Variants in IMPA2 observed in about 807,000 individuals in gnomAD.
IMPA2 encodes IMP 2.
A neutral mutation model predicts 35.1 loss-of-function variants in IMPA2; 32 were observed. The observed-to-expected ratio is 0.91, with a 90% CI of 0.69 to 1.23. IMPA2 has a LOEUF of 1.23. IMPA2 is among the 50% of genes most tolerant of loss of function. The pLI is 0.00. For missense variants in IMPA2, 334 were observed against 387.6 expected (o/e 0.86, Z 1.16); for synonymous variants, 135 against 160.6 (o/e 0.84, Z 1.20).
chr18:12,022,318 G>A (rs1907752135), intron 5 of IMPA2, among the ~76,000 whole-genome samples: 1 of 151,844 alleles, frequency 6.6e-6, no homozygotes, highest in Non-Finnish European at 1.5e-5. Context: ...GATCAGTTGA[G>A]GTCAGGAGTT....
intron 1 of IMPA2, among the ~76,000 whole-genome samples, chr18:11,997,090 GACAC>G (rs1295247971): frequency 6.6e-6 from 1 of 152,034 alleles, no homozygotes. Flanking sequence ...ACACAACAGA[GACAC>G]ACACACATCA....
At position 12,030,484 on chromosome 18, in the gene IMPA2, A is replaced by G. The variant is rs1311665190; in HGVS notation, c.*26A>G. On this transcript the variant is annotated 3_prime_UTR_variant, in exon 8 of 8. Transcript: ENST00000269159. ...CTGCGGCTGAGGCAAAGCTGCTCCC[A>G]AGGCCTCCCTGGGCTGCTGTGGGCT... is the stretch of plus-strand genomic sequence containing the variant. 2 of 1,594,596 alleles carry G rather than the reference A, an allele frequency of 1.3e-6. No homozygotes were observed. The highest frequency in any genetic ancestry group is 1.1e-5 in the South Asian group (1 of 90,708).
At chr18:12,016,535 T>G (rs939621981) in intron 5 of IMPA2, among the ~76,000 whole-genome samples, 2 of 152,026 alleles carry the variant, frequency 1.3e-5, no homozygotes, top group Non-Finnish European at 2.9e-5. Context: ...AAGTGATTCT[T>G]CTGCCTCCCA....
intron 5 of IMPA2, among the ~76,000 whole-genome samples, chr18:12,016,753 G>T (rs1313711982): frequency 1.3e-5 from 2 of 152,136 alleles, no homozygotes; most frequent in Admixed American, 1.3e-4. Flanking sequence ...TAGAACTCGA[G>T]CAAGTTCCTT....
chr18:12,015,357 T>C (rs993434086), intron 5 of IMPA2, among the ~76,000 whole-genome samples: 3 of 152,194 alleles, frequency 2.0e-5, no homozygotes, highest in African/African-American at 7.2e-5. Flanking sequence ...CTTTCTTCAT[T>C]GTCTCTATTT....
At chr18:11,987,550 A>T (rs1192968045) in intron 1 of IMPA2, among the ~76,000 whole-genome samples, 3 of 152,056 alleles carry the variant, frequency 2.0e-5, no homozygotes, top group Admixed American at 2.0e-4. Context: ...AGGCTGATCT[A>T]GAACTCCTGA....
At chr18:12,014,645 G>A (rs565773437) in intron 5 of IMPA2, among the ~76,000 whole-genome samples, 6 of 152,162 alleles carry the variant, frequency 3.9e-5, no homozygotes, top group Admixed American at 1.3e-4. Context: ...TCGCAGTCAC[G>A]ATTTGGTTGT....
intron 7 of IMPA2, 109 bp downstream of exon 7, chr18:12,029,102 G>GTTTATTT: frequency 2.5e-6 from 1 of 394,216 alleles, no homozygotes; most frequent in Non-Finnish European, 4.3e-6. Flanking sequence ...CTTCCCCAGA[G>GTTTATTT]TTTCTGTTTT....
At chr18:12,026,021 A>T (rs985768594) in intron 5 of IMPA2, among the ~76,000 whole-genome samples, 24 of 138,132 alleles carry the variant, frequency 1.7e-4, no homozygotes, top group Non-Finnish European at 6.1e-5. Context: ...ATATTATTAT[A>T]TTTCAAAAGA....
intron 1 of IMPA2, among the ~76,000 whole-genome samples, chr18:11,984,027 C>A (rs1906583257): frequency 6.6e-6 from 1 of 152,120 alleles, no homozygotes; most frequent in African/African-American, 2.4e-5. Flanking sequence ...CTCTGTTGTT[C>A]GCTGCTCTCA....
chr18:12,020,055 T>A (rs1181081842), intron 5 of IMPA2, among the ~76,000 whole-genome samples: 1 of 151,016 alleles, frequency 6.6e-6, no homozygotes, highest in Non-Finnish European at 1.5e-5. Context: ...TTTGTACTTT[T>A]AGTAAAGACA....
At chr18:12,011,802 T>G (rs1907440585) in intron 3 of IMPA2, among the ~76,000 whole-genome samples, 2 of 152,236 alleles carry the variant, frequency 1.3e-5, no homozygotes, top group Admixed American at 1.3e-4. Context: ...ACCACCTGCC[T>G]GGCGCCCCAC....
At chr18:11,982,254 C>CA (rs1375101493) in intron 1 of IMPA2, among the ~76,000 whole-genome samples, 4 of 152,194 alleles carry the variant, frequency 2.6e-5, no homozygotes, top group East Asian at 3.8e-4. Flanking sequence ...GCCACGGACT[C>CA]AGAGTTCAGG....
chr18:12,012,862 A>G (rs1412796916), intron 4 of IMPA2, among the ~76,000 whole-genome samples: 1 of 152,378 alleles, frequency 6.6e-6, no homozygotes, highest in East Asian at 1.9e-4. Context: ...GCATTTGTGC[A>G]GCTTCACCTT....
At chr18:12,017,512 T>TG (rs567523307) in intron 5 of IMPA2, 84 of 305,980 alleles carry the variant, frequency 2.7e-4, no homozygotes, top group African/African-American at 1.9e-3. Flanking sequence ...GTCTGCGTTC[T>TG]GGGGGGACTT....
chr18:12,010,099 T>G lies in IMPA2; in HGVS notation c.335+112T>G, dbSNP rs1907393250. 1 of 708,576 alleles carries G rather than the reference T, an allele frequency of 1.4e-6. No homozygotes were observed. The highest frequency in any genetic ancestry group is 2.5e-6 in the Non-Finnish European group (1 of 403,802). The allele number at this position is 708,576 out of a possible 1,614,324, so 43.9% of individuals were successfully genotyped here. ...AGGCAGGAATATATAAACAAACCTATAGTACACTCATAGTCTCATCAGAAA... is the reference window on the plus strand; with the variant it reads ...AGGCAGGAATATATAAACAAACCTAGAGTACACTCATAGTCTCATCAGAAA... On this transcript the variant is annotated intron_variant, in intron 3 of 7. Coordinates refer to ENST00000269159, the MANE Select transcript of IMPA2 (RefSeq NM_014214.3). This position sits in a 1 kb window ranked among gnomAD's most constrained non-coding sequence, Gnocchi z 4.8.
rs1158665365 is a variant in IMPA2 at position 12,029,108 on chromosome 18, GTTTTTTTT to G, written c.751+133_751+140del. Reference sequence around the variant, plus strand: ...ATTTCCCACCTTCCCCAGAGTTTCTGTTTTTTTTTTTTTTTTTTTTTTTTTGAGACGGG... The same window carrying G: ...ATTTCCCACCTTCCCCAGAGTTTCTGTTTTTTTTTTTTTTTTTGAGACGGG... On this transcript the variant is annotated intron_variant, in intron 7 of 7. Coordinates refer to ENST00000269159, the MANE Select transcript of IMPA2 (RefSeq NM_014214.3). 4.5e-3 allele frequency: 1,192 copies of G among 267,262 alleles called. 8 individuals carry two copies. The highest frequency in any genetic ancestry group is 0.042 in the African/African-American group (878 of 20,696). 16.6% of individuals were successfully genotyped at this position (267,262 alleles called of 1,614,324 possible). A position where few individuals can be genotyped will look rare whatever the true frequency, so the allele number is the denominator to read the frequency against.
chr18:11,982,473 G>C (rs777989433), intron 1 of IMPA2, among the ~76,000 whole-genome samples: 1 of 152,200 alleles, frequency 6.6e-6, no homozygotes, highest in Non-Finnish European at 1.5e-5. Context: ...AGGACTGTAA[G>C]ATGGCTTACT....
In IMPA2 at chr18:12,005,488, GAA is replaced by G. The variant is rs5823191; in HGVS notation, c.231-4382_231-4381del. Among the ~76,000 whole-genome samples, 140 of 140,628 alleles carry G rather than the reference GAA, an allele frequency of 1.0e-3. 1 individual carries two copies. Among genetic ancestry groups the G allele is most frequent in the Middle Eastern group, 7.2e-3 (2 of 278 alleles). 92.3% of individuals were successfully genotyped at this position (140,628 alleles called of 152,430 possible). A position where few individuals can be genotyped will look rare whatever the true frequency, so the allele number is the denominator to read the frequency against. On this transcript the variant is annotated intron_variant, in intron 2 of 7. Transcript: ENST00000269159. ...TGACAAAGCGAGACCATGTCTCCAA[GAA>G]AAAAAAAAAAAATTTCTAAAAGTAC...
Sources: allele counts gnomAD v4.1 joint callset (sites outside exome capture counted in the v4.1 genomes callset), GRCh38; gene constraint gnomAD v4.1.1; non-coding constraint Gnocchi (gnomAD v3.1); transcripts MANE v1.5; gene names NCBI Gene and HGNC (gene_info 2026-07-23, HGNC 2026-07-21).